KLRG1: variants seen among roughly 807,000 people sequenced by gnomAD.
KLRG1 encodes killer cell lectin like receptor G1.
In KLRG1, 16 loss-of-function variants were observed where a neutral mutation model predicts 21.8. That is an observed-to-expected ratio of 0.73 (90% CI 0.50 to 1.11). The LOEUF (loss-of-function observed/expected upper bound fraction) is 1.11. KLRG1 is among the 50% of genes most tolerant of loss of function. KLRG1 has a pLI of 0.00. For missense variants in KLRG1, 173 were observed against 218.3 expected, an observed-to-expected ratio of 0.79 and a Z score of 1.31; for synonymous variants, 69 against 75.9, an observed-to-expected ratio of 0.91 and a Z score of 0.47.
the KLRG1 span, chr12:9,200,301 C>T: frequency 1.8e-6 from 2 of 1,102,860 alleles, no homozygotes; most frequent in East Asian, 2.5e-5. Flanking sequence ...TAATTTTGTA[C>T]CTACATAATC....
At chr12:9,195,555 C>A in the KLRG1 span, among the ~76,000 whole-genome samples, 1 of 151,584 alleles carries the variant, frequency 6.6e-6, no homozygotes, top group African/African-American at 2.4e-5. Context: ...GGGATCCTCC[C>A]ACCTCAGCTT....
chr12:9,059,305 T>G, the KLRG1 span, among the ~76,000 whole-genome samples: 1 of 152,236 alleles, frequency 6.6e-6, no homozygotes, highest in Non-Finnish European at 1.5e-5. Flanking sequence ...TTGACAGTTT[T>G]GGTTACCCAT....
At chr12:8,951,050 A>AT (rs1162756768) in intron 1 of KLRG1, among the ~76,000 whole-genome samples, 1 of 152,080 alleles carries the variant, frequency 6.6e-6, no homozygotes, top group African/African-American at 2.4e-5. Flanking sequence ...AAAAAATTAA[A>AT]TTTTTTTCTT....
At chr12:9,027,933 C>G in the KLRG1 span, 2 of 894,344 alleles carry the variant, frequency 2.2e-6, no homozygotes, top group Non-Finnish European at 3.7e-6. Context: ...AGCGCTAGCT[C>G]TCTCTTGCTT....
chr12:9,169,300 G>T, the KLRG1 span: 3 of 925,880 alleles, frequency 3.2e-6, no homozygotes, highest in Non-Finnish European at 4.6e-6. Flanking sequence ...CTTTTTATTG[G>T]CTTCATTTTT....
intron 2 of KLRG1, among the ~76,000 whole-genome samples, chr12:8,993,545 C>T (rs921603558): frequency 6.6e-6 from 1 of 152,102 alleles, no homozygotes; most frequent in Non-Finnish European, 1.5e-5. Flanking sequence ...GCCTTGGCCT[C>T]CCCAAGTGCT....
the KLRG1 span, chr12:9,153,246 G>T: frequency 6.2e-7 from 1 of 1,614,162 alleles, no homozygotes; most frequent in Non-Finnish European, 8.5e-7. Flanking sequence ...TGTAGAAAAG[G>T]TCTGTGAATC....
chr12:9,159,885 A>G, the KLRG1 span: 1,668 of 1,423,796 alleles, frequency 1.2e-3, 18 homozygotes, highest in East Asian at 2.9e-3. Flanking sequence ...CAGGTAATCT[A>G]TGTGCACGTT....
the KLRG1 span, chr12:9,091,393 A>G: frequency 1.2e-6 from 2 of 1,614,216 alleles, no homozygotes. Flanking sequence ...TGATGGTGTC[A>G]GGGACTGTTA....
the KLRG1 span, chr12:9,068,976 T>A: frequency 1.8e-5 from 10 of 564,342 alleles, no homozygotes; most frequent in South Asian, 3.2e-4. Context: ...TTAATTAAAT[T>A]GTGCAGAAAT....
At chr12:9,128,897 T>A in the KLRG1 span, among the ~76,000 whole-genome samples, 3 of 152,202 alleles carry the variant, frequency 2.0e-5, no homozygotes, top group Non-Finnish European at 4.4e-5. Context: ...TTGAAATATG[T>A]GAAATCTGTT....
the KLRG1 span, chr12:9,099,581 T>C: frequency 1.9e-6 from 3 of 1,542,992 alleles, no homozygotes; most frequent in East Asian, 4.7e-5. Context: ...TTTCCATTAG[T>C]AGATGTAACA....
At chr12:9,016,923 T>C in the KLRG1 span, among the ~76,000 whole-genome samples, 1 of 152,022 alleles carries the variant, frequency 6.6e-6, no homozygotes, top group African/African-American at 2.4e-5. Flanking sequence ...CCTCAAACTA[T>C]TTTAAAAAAT....
At chr12:9,203,741 A>G in the KLRG1 span, 1 of 1,612,796 alleles carries the variant, frequency 6.2e-7, no homozygotes, top group Non-Finnish European at 8.5e-7. Flanking sequence ...TCAAGCAGGG[A>G]TAGCCAGCTG....
At chr12:9,104,552 T>A in the KLRG1 span, among the ~76,000 whole-genome samples, 3,743 of 152,076 alleles carry the variant, frequency 0.025, 154 homozygotes, top group African/African-American at 0.085. Flanking sequence ...GTTTCTTCCA[T>A]CACAGAGCTT....
chr12:9,098,876 G>T, the KLRG1 span: 1 of 1,118,504 alleles, frequency 8.9e-7, no homozygotes, highest in Non-Finnish European at 1.3e-6. Flanking sequence ...CTTCGTGGAG[G>T]GTTGGCATTG....
the KLRG1 span, among the ~76,000 whole-genome samples, chr12:9,092,469 G>A: frequency 6.6e-6 from 1 of 152,106 alleles, no homozygotes; most frequent in African/African-American, 2.4e-5. Flanking sequence ...ATTTCTGGCT[G>A]TCTCCTAAGG....
chr12:9,094,325 GA>G, the KLRG1 span, among the ~76,000 whole-genome samples: 10 of 94,384 alleles, frequency 1.1e-4, no homozygotes, highest in Admixed American at 8.4e-4. Flanking sequence ...CAGCTCTCTG[GA>G]AAAAAAAATT....
the KLRG1 span, chr12:9,098,626 G>A: frequency 3.1e-6 from 5 of 1,606,210 alleles, no homozygotes; most frequent in Non-Finnish European, 4.2e-6. Flanking sequence ...CGAGAGCTCA[G>A]CATCAGGCTT....
Sources: gnomAD v4.1 joint callset for allele counts (sites outside exome capture counted in the v4.1 genomes callset) on GRCh38, gnomAD v4.1.1 for gene constraint, MANE v1.5 for transcripts, NCBI Gene and HGNC (gene_info 2026-07-23, HGNC 2026-07-21) for gene names.